NECAB2: variants seen among roughly 807,000 people sequenced by gnomAD.
NECAB2 encodes the protein N-terminal EF-hand calcium binding protein 2.
NECAB2 carries 68 observed loss-of-function variants against 51.9 expected under a neutral mutation model. The observed-to-expected ratio is 1.31, with a 90% CI of 1.08 to 1.60. NECAB2 has a LOEUF of 1.60. Ranked by LOEUF, NECAB2 falls within the 40% of genes most tolerant of loss-of-function variation. The probability of loss-of-function intolerance (pLI) is 0.00; values close to 1 mark genes in which losing one functional copy is unlikely to be tolerated. For synonymous variants in NECAB2, 329 were observed against 203.5 expected (o/e 1.62, Z -5.25); for missense variants, 854 against 490.3 (o/e 1.74, Z -7.00).
Position 83,990,621 on chromosome 16 carries a change from G to C in NECAB2, c.587G>C (p.Ser196Thr). The C allele has an allele frequency of 1.9e-6, 3 of 1,614,078 alleles. No individual in the cohort carries two copies. In the South Asian group the frequency reaches 3.3e-5, roughly 18 times the overall value. ...GTGGAGGCCATCGAGGAACAGACCAGCCAGCTCCGGTGAGTCTCTGAGACC... is the reference window on the plus strand; with the variant it reads ...GTGGAGGCCATCGAGGAACAGACCACCCAGCTCCGGTGAGTCTCTGAGACC... ...SAVEAIEEQT[S>T]QLRQNHIKPS... Residue 196 changes from serine (S) to threonine (T), a missense_variant, in exon 6 of 13, where the codon AGC becomes ACC. By Grantham distance (58) the Ser-to-Thr change is moderately conservative. Coordinates refer to ENST00000305202, the MANE Select transcript of NECAB2 (RefSeq NM_019065.3).
chr16:83,994,622 A>C lies in NECAB2; in HGVS notation c.729A>C (p.Ala243=), dbSNP rs369354618. 9 of 1,614,030 alleles carry C rather than the reference A, an allele frequency of 5.6e-6. No individual in the cohort carries two copies. The Admixed American group carries it at 1.2e-4, about 21-fold the overall frequency. Reference sequence around the variant, plus strand: ...TCTCTACCGCAGCCACGGAGGATGCAAAGGAAGAGGGTCTGGAAGCCCAGA... The same window carrying C: ...TCTCTACCGCAGCCACGGAGGATGCCAAGGAAGAGGGTCTGGAAGCCCAGA... ...GKTLPSATED[A]KEEGLEAQIS... The change falls in exon 8 of 13, where the codon GCA becomes GCC. Residue 243 remains alanine (A), a synonymous_variant. Transcript: ENST00000305202.
At chr16:84,002,191 G>A in intron 12 of NECAB2, 127 bp from the exon 13 acceptor site, 1 of 1,255,008 alleles carries the variant, frequency 8.0e-7, no homozygotes, top group Non-Finnish European at 1.2e-6. Context: ...TGGGTGACCA[G>A]CAAGGACCTG....
At chr16:83,971,408 C>G (rs549688988) in intron 1 of NECAB2, 3 of 152,286 alleles carry the variant, frequency 2.0e-5, no homozygotes, top group Non-Finnish European at 2.9e-5. Context: ...AAGCTGCCTT[C>G]GAGCCTCAGC....
At chr16:83,987,735 ACATAGT>A (rs1385909024) in intron 5 of NECAB2, among the ~76,000 whole-genome samples, 1 of 152,168 alleles carries the variant, frequency 6.6e-6, no homozygotes, top group Non-Finnish European at 1.5e-5. Flanking sequence ...TATGAGTATT[ACATAGT>A]TAATACCTTG....
At chr16:83,998,711 C>G (rs919765471) in intron 10 of NECAB2, among the ~76,000 whole-genome samples, 2 of 152,164 alleles carry the variant, frequency 1.3e-5, no homozygotes, top group East Asian at 3.8e-4. Context: ...TAAGTCCAGG[C>G]CCAGAATGTA....
intron 6 of NECAB2, 62 bp downstream of exon 6, chr16:83,990,692 C>T (rs2084612746): frequency 1.3e-6 from 2 of 1,585,738 alleles, no homozygotes; most frequent in Non-Finnish European, 8.6e-7. Context: ...ACGTGCCCAC[C>T]TGCTGCTTGG....
At chr16:83,972,935 G>A (rs578160806) in intron 2 of NECAB2, among the ~76,000 whole-genome samples, 103 of 152,148 alleles carry the variant, frequency 6.8e-4, no homozygotes, top group Non-Finnish European at 1.2e-3. Context: ...CAGTTGCAAC[G>A]CAACTCACCG....
chr16:83,989,285 C>G (rs2084592082), intron 5 of NECAB2, among the ~76,000 whole-genome samples: 1 of 152,208 alleles, frequency 6.6e-6, no homozygotes, highest in African/African-American at 2.4e-5. Context: ...GCCATGTACT[C>G]TGTCAGGGTC....
intron 12 of NECAB2, 127 bp downstream of exon 12, chr16:84,002,043 C>A: frequency 1.7e-6 from 2 of 1,158,080 alleles, no homozygotes; most frequent in Non-Finnish European, 2.5e-6. Flanking sequence ...CTCCTGCCAC[C>A]AATGCCAGGC....
intron 5 of NECAB2, among the ~76,000 whole-genome samples, chr16:83,986,315 C>T (rs1485012159): frequency 6.6e-6 from 1 of 152,186 alleles, no homozygotes; most frequent in Non-Finnish European, 1.5e-5. Flanking sequence ...CTGCGCCCAG[C>T]CCAAAGATTT....
intron 2 of NECAB2, among the ~76,000 whole-genome samples, chr16:83,975,529 C>T (rs1041779845): frequency 2.0e-5 from 3 of 152,104 alleles, no homozygotes; most frequent in African/African-American, 7.2e-5. Flanking sequence ...CCAGGCTGCC[C>T]TTAGGACTTA....
intron 10 of NECAB2, among the ~76,000 whole-genome samples, chr16:83,998,739 C>T (rs770826833): frequency 6.6e-6 from 1 of 152,196 alleles, no homozygotes; most frequent in African/African-American, 2.4e-5. Context: ...CTCAGTTAAC[C>T]ACTGAGGAAG....
intron 7 of NECAB2, 35 bp from the exon 8 acceptor site, chr16:83,994,574 C>G (rs375521979): frequency 4.0e-5 from 65 of 1,613,106 alleles, no homozygotes; most frequent in Admixed American, 1.8e-4. Context: ...GTCCTGCCCA[C>G]CACTGAAGTC....
upstream of NECAB2, chr16:83,965,435 G>T: frequency 6.3e-7 from 1 of 1,592,294 alleles, no homozygotes; most frequent in South Asian, 1.1e-5. Context: ...CTCAGACCCT[G>T]TCCTCATCAT....
chr16:83,999,539 C>T (rs545497160), intron 10 of NECAB2, among the ~76,000 whole-genome samples: 2 of 152,252 alleles, frequency 1.3e-5, no homozygotes, highest in East Asian at 1.9e-4. Flanking sequence ...TGGAATCCAG[C>T]CCGGCCCCTT....
At chr16:84,001,134 G>A (rs1398490953) in intron 11 of NECAB2, among the ~76,000 whole-genome samples, 1 of 152,130 alleles carries the variant, frequency 6.6e-6, no homozygotes, top group Non-Finnish European at 1.5e-5. Flanking sequence ...GCCTAACCTA[G>A]AAGGTGACTC....
intron 2 of NECAB2, among the ~76,000 whole-genome samples, chr16:83,973,651 G>A (rs1264402109): frequency 6.6e-6 from 1 of 152,158 alleles, no homozygotes; most frequent in Non-Finnish European, 1.5e-5. Context: ...GTCATTGCCT[G>A]TGTGCTGGCC....
In NECAB2 at chr16:83,981,025, C is replaced by T. The variant is rs768011801; in HGVS notation, c.362-5C>T. On this transcript the variant is annotated splice_region_variant and splice_polypyrimidine_tract_variant and intron_variant, in intron 4 of 12. Transcript: ENST00000305202. ...GACCCCTGACCTTTGCCTTTCCTTC[C>T]CCAGATTACTTTGTGGACCACATGG... is the stretch of plus-strand genomic sequence containing the variant. The T allele has an allele frequency of 9.3e-6, 15 of 1,613,964 alleles. No homozygotes were observed. Among genetic ancestry groups the T allele is most frequent in the Admixed American group, 1.7e-5 (1 of 60,016 alleles).
At chr16:83,972,315 T>A (rs2084358605) in intron 2 of NECAB2, 140 bp downstream of exon 2, 1 of 1,204,344 alleles carries the variant, frequency 8.3e-7, no homozygotes, top group African/African-American at 1.5e-5. Context: ...GAAGGCCAAA[T>A]CCTGCTGCTG....
Sources: gnomAD v4.1 joint callset for allele counts (sites outside exome capture counted in the v4.1 genomes callset) on GRCh38, gnomAD v4.1.1 for gene constraint, MANE v1.5 for transcripts, NCBI Gene and HGNC (gene_info 2026-07-23, HGNC 2026-07-21) for gene names.